Variants in RALGPS1 observed in about 807,000 individuals in gnomAD.
RALGPS1 encodes ras-specific guanine nucleotide-releasing factor RalGPS1.
Under a neutral mutation model 78.8 loss-of-function variants are expected in RALGPS1, and 19 were observed. The observed-to-expected ratio is 0.24, with a 90% CI of 0.17 to 0.35. The LOEUF (loss-of-function observed/expected upper bound fraction) is 0.35, where lower values mean the gene tolerates loss of function less well. RALGPS1 is among the 10% of genes least tolerant of loss of function. RALGPS1 has a pLI of 1.00. For synonymous variants in RALGPS1, 228 were observed against 256.3 expected (o/e 0.89, Z 1.06); for missense variants, 454 against 688.3 (o/e 0.66, Z 3.81).
rs77631904 is a variant in RALGPS1, at chr9:126,976,823, G to A, written c.166-872G>A. Among the ~76,000 whole-genome samples the A allele has an allele frequency of 4.2e-3, 645 of 152,318 alleles. 3 individuals carry two copies. Among genetic ancestry groups the A allele is most frequent in the Non-Finnish European group, 6.1e-3 (412 of 68,030 alleles). Reference sequence around the variant, plus strand: ...GACATCTGGCATCCCATGTGACATGGAGGTAGGTGGATCACGTGAAGTCAG... The same window carrying A: ...GACATCTGGCATCCCATGTGACATGAAGGTAGGTGGATCACGTGAAGTCAG... On this transcript the variant is annotated intron_variant, in intron 3 of 18. Transcript: ENST00000259351.
chr9:127,157,054 GC>G (rs1564683443), intron 8 of RALGPS1, among the ~76,000 whole-genome samples: 1 of 151,858 alleles, frequency 6.6e-6, no homozygotes, highest in African/African-American at 2.4e-5. Context: ...GTATTGCTGG[GC>G]TCCCTTTATT....
At chr9:127,016,531 A>G (rs576285314) in intron 4 of RALGPS1, 27 of 152,312 alleles carry the variant, frequency 1.8e-4, no homozygotes, top group South Asian at 4.1e-4. Flanking sequence ...AAAATTGCCA[A>G]TGTGAACGGC....
chr9:127,065,765 C>T lies in RALGPS1; in HGVS notation c.484-3465C>T, dbSNP rs145621097. 7.0e-3 allele frequency among the ~76,000 whole-genome samples: 1,063 copies of T among 152,258 alleles called. 5 individuals are homozygous for T. The highest frequency in any genetic ancestry group is 0.011 in the Non-Finnish European group (767 of 68,026). ...TTAAGGCCTGCTATTCATTGGTCAT[C>T]CTGGAATCTCCCTTTGCTACTCCTG... On this transcript the variant is annotated intron_variant, in intron 7 of 18. Coordinates refer to ENST00000259351, the MANE Select transcript of RALGPS1 (RefSeq NM_014636.3).
intron 10 of RALGPS1, 104 bp downstream of exon 10, chr9:127,168,876 CCA>C (rs1004074292): frequency 1.6e-5 from 14 of 871,710 alleles, no homozygotes; most frequent in South Asian, 4.4e-5. Flanking sequence ...CAGTGAGTAG[CCA>C]CCTGCAGGGC....
intron 8 of RALGPS1, among the ~76,000 whole-genome samples, chr9:127,146,404 AT>A (rs2058095378): frequency 6.6e-6 from 1 of 152,024 alleles, no homozygotes; most frequent in Non-Finnish European, 1.5e-5. Context: ...ACATGATTTC[AT>A]TTTTATGGCT....
chr9:127,175,125 G>A (rs2059786529), intron 11 of RALGPS1, among the ~76,000 whole-genome samples: 1 of 152,212 alleles, frequency 6.6e-6, no homozygotes, highest in Non-Finnish European at 1.5e-5. Context: ...TAGCGGGGCT[G>A]CTGCCCAGGC....
chr9:127,179,756 G>A (rs1439863845), intron 11 of RALGPS1, among the ~76,000 whole-genome samples: 2 of 152,248 alleles, frequency 1.3e-5, no homozygotes, highest in South Asian at 2.1e-4. Flanking sequence ...GGCAGTGGGA[G>A]CAAGACCAAT....
At chr9:126,995,515 A>G (rs1258596503) in intron 4 of RALGPS1, among the ~76,000 whole-genome samples, 1 of 152,266 alleles carries the variant, frequency 6.6e-6, no homozygotes, top group Non-Finnish European at 1.5e-5. Flanking sequence ...ATACTGGAGC[A>G]CCCAGATTCA....
At chr9:127,026,762 G>T (rs1018931829) in intron 4 of RALGPS1, among the ~76,000 whole-genome samples, 2 of 152,182 alleles carry the variant, frequency 1.3e-5, no homozygotes, top group Non-Finnish European at 2.9e-5. Context: ...AGTCTGCCTG[G>T]GATAGCCAAG....
intron 14 of RALGPS1, among the ~76,000 whole-genome samples, chr9:127,208,550 G>A (rs982511642): frequency 4.6e-5 from 7 of 152,106 alleles, no homozygotes; most frequent in Admixed American, 2.6e-4. Flanking sequence ...TTGTGGGGAC[G>A]GTAAGGGTGC....
At chr9:126,973,400 A>G (rs1275720246) in intron 3 of RALGPS1, among the ~76,000 whole-genome samples, 1 of 152,186 alleles carries the variant, frequency 6.6e-6, no homozygotes, top group Non-Finnish European at 1.5e-5. Flanking sequence ...GTAGGTAGGT[A>G]GATAGCACTT....
chr9:127,010,827 C>T (rs1215399786), intron 4 of RALGPS1, among the ~76,000 whole-genome samples: 1 of 152,206 alleles, frequency 6.6e-6, no homozygotes, highest in Non-Finnish European at 1.5e-5. Context: ...CATTAGGAAG[C>T]TTTACATAGC....
In RALGPS1 at chr9:127,212,226, G is replaced by A. The variant is rs141209519; in HGVS notation, c.1343G>A (p.Arg448Gln). The A allele has an allele frequency of 2.5e-6, 4 of 1,612,542 alleles. No individual in the cohort carries two copies. Among genetic ancestry groups the A allele is most frequent in the Non-Finnish European group, 3.4e-6 (4 of 1,179,030 alleles). Residue 448 changes from arginine (R) to glutamine (Q), a missense_variant, in exon 15 of 19, where the codon CGG (arginine) becomes CAG (glutamine). Coordinates refer to ENST00000259351, the MANE Select transcript of RALGPS1 (RefSeq NM_014636.3). The surrounding 1 kb of genome is among the most constrained non-coding windows in gnomAD (Gnocchi z 6.0). ...LRRKTLLKEG[R>Q]KPALSSWTRY... The stretch of plus-strand genomic sequence containing the variant: ...AGAAAAACCCTGCTCAAGGAAGGGC[G>A]GAAGCCTGCGGTAAGTACAGACCCA...
intron 3 of RALGPS1, among the ~76,000 whole-genome samples, chr9:126,966,850 G>T (rs999631396): frequency 6.6e-6 from 1 of 152,116 alleles, no homozygotes; most frequent in African/African-American, 2.4e-5. Context: ...ACTGTCCCTT[G>T]TGGTGGAGCA....
intron 8 of RALGPS1, among the ~76,000 whole-genome samples, chr9:127,132,580 G>A (rs911565846): frequency 6.6e-6 from 1 of 152,184 alleles, no homozygotes; most frequent in African/African-American, 2.4e-5. Flanking sequence ...CACACACCAG[G>A]GGGTGCTCAG....
At chr9:126,971,277 T>TA (rs997071022) in intron 3 of RALGPS1, among the ~76,000 whole-genome samples, 58 of 142,598 alleles carry the variant, frequency 4.1e-4, no homozygotes, top group Non-Finnish European at 4.0e-4. Flanking sequence ...TCATGATATT[T>TA]AAAAAAAAAA....
At chr9:127,143,333 C>A (rs973590410) in intron 8 of RALGPS1, among the ~76,000 whole-genome samples, 2 of 152,178 alleles carry the variant, frequency 1.3e-5, no homozygotes, top group African/African-American at 4.8e-5. Context: ...ATGGGTTTCC[C>A]GATTTCACCA....
chr9:127,168,343 T>C (rs912059714), intron 9 of RALGPS1, among the ~76,000 whole-genome samples: 1 of 152,166 alleles, frequency 6.6e-6, no homozygotes, highest in African/African-American at 2.4e-5. Flanking sequence ...CTCTGGTCTG[T>C]TTTGGAGGCC....
chr9:127,065,440 T>A (rs2049603189), intron 7 of RALGPS1, among the ~76,000 whole-genome samples: 1 of 151,928 alleles, frequency 6.6e-6, no homozygotes, highest in South Asian at 2.1e-4. Context: ...AATGACATCT[T>A]GCTATGTTGC....
Sources: allele counts gnomAD v4.1 joint callset (sites outside exome capture counted in the v4.1 genomes callset), GRCh38; gene constraint gnomAD v4.1.1; non-coding constraint Gnocchi (gnomAD v3.1); transcripts MANE v1.5; gene names NCBI Gene and HGNC (gene_info 2026-07-23, HGNC 2026-07-21).